The following NR3C1 variants were observed in gnomAD, a reference collection of about 807,000 sequenced individuals.
NR3C1 encodes the protein glucocorticoid receptor.
Under a neutral mutation model 74.0 loss-of-function variants are expected in NR3C1, and 14 were observed. The ratio of observed to expected loss-of-function variants is 0.19; its 90% CI spans 0.12 to 0.30. NR3C1 has a LOEUF of 0.30. NR3C1 is among the 10% of genes least tolerant of loss of function. NR3C1 has a pLI of 1.00. For missense variants in NR3C1, 695 were observed against 909.8 expected, an observed-to-expected ratio of 0.76 and a Z score of 3.04; for synonymous variants, 308 against 332.5, an observed-to-expected ratio of 0.93 and a Z score of 0.80.
chr5:143,354,148 T>C (rs1830694027), intron 2 of NR3C1, among the ~76,000 whole-genome samples: 1 of 152,254 alleles, frequency 6.6e-6, no homozygotes, highest in Non-Finnish European at 1.5e-5. Flanking sequence ...TTCATAGAAT[T>C]GAAGAGAGTT....
intron 2 of NR3C1, among the ~76,000 whole-genome samples, chr5:143,384,601 C>T (rs1355520748): frequency 5.9e-5 from 9 of 152,200 alleles, no homozygotes. Flanking sequence ...CAAAAACCTG[C>T]AGGACAGTCA....
chr5:143,310,149 G>A lies in NR3C1; in HGVS notation c.1416C>T (p.Asn472=). 6.2e-7 allele frequency: 1 copy of A among 1,614,074 alleles called. No individual in the cohort carries two copies. Among genetic ancestry groups the A allele is most frequent in the Non-Finnish European group, 8.5e-7 (1 of 1,179,968 alleles). The change falls in exon 4 of 9, where the codon AAC becomes AAT. Residue 472 remains asparagine, a synonymous_variant. Coordinates refer to ENST00000394464, the MANE Select transcript of NR3C1 (RefSeq NM_000176.3). ...ATTTTCGATAGCGGCATGCTGGGCA[G>A]TTTTTTCTTCGAATTTTATCGATGA... The part of the protein sequence containing the change: ...DCIIDKIRRK[N]CPACRYRKCL...
chr5:143,340,689 G>C (rs1053036891), intron 2 of NR3C1, among the ~76,000 whole-genome samples: 12 of 151,836 alleles, frequency 7.9e-5, no homozygotes, highest in Non-Finnish European at 1.2e-4. Flanking sequence ...CACCATGTTG[G>C]CCAGGCTGGT....
intron 2 of NR3C1, among the ~76,000 whole-genome samples, chr5:143,323,368 A>G (rs951658153): frequency 1.3e-5 from 2 of 152,200 alleles, no homozygotes; most frequent in Non-Finnish European, 2.9e-5. Context: ...AGGAAGAGGC[A>G]AAAGTTTTGG....
chr5:143,395,147 T>C (rs1838960950), intron 2 of NR3C1, among the ~76,000 whole-genome samples: 1 of 152,014 alleles, frequency 6.6e-6, no homozygotes, highest in African/African-American at 2.4e-5. Flanking sequence ...TAGTTTAGCA[T>C]AGAAATGATC....
At chr5:143,383,142 A>C (rs1836551902) in intron 2 of NR3C1, among the ~76,000 whole-genome samples, 1 of 152,246 alleles carries the variant, frequency 6.6e-6, no homozygotes, top group Non-Finnish European at 1.5e-5. Context: ...AACACCCATA[A>C]ACCATAAGCT....
At position 143,278,529 on chromosome 5, in the gene NR3C1, G is replaced by A. The variant is rs1353619186; in HGVS notation, c.*3360C>T. On this transcript the variant is annotated 3_prime_UTR_variant, in exon 9 of 9. Coordinates refer to ENST00000394464, the MANE Select transcript of NR3C1 (RefSeq NM_000176.3). Reference sequence around the variant, plus strand: ...GAAATTACGAAACTCCACCCAAAGGGTTTAAAGTGTCCTCCTTACACTTTT... The same window carrying A: ...GAAATTACGAAACTCCACCCAAAGGATTTAAAGTGTCCTCCTTACACTTTT... The A allele has an allele frequency of 6.6e-6, 1 of 152,106 alleles. No individual in the cohort carries two copies. Among genetic ancestry groups the A allele is most frequent in the African/African-American group, 2.4e-5 (1 of 41,414 alleles). 9.4% of individuals were successfully genotyped at this position (152,106 alleles called of 1,614,324 possible).
intron 6 of NR3C1, among the ~76,000 whole-genome samples, chr5:143,298,331 G>A (rs1243995715): frequency 6.6e-6 from 1 of 152,178 alleles, no homozygotes; most frequent in Non-Finnish European, 1.5e-5. Flanking sequence ...ATCCACATGA[G>A]TTTTACCATG....
chr5:143,432,424 G>A (rs1192686722), intron 1 of NR3C1, among the ~76,000 whole-genome samples: 1 of 152,146 alleles, frequency 6.6e-6, no homozygotes, highest in South Asian at 2.1e-4. Flanking sequence ...GTCCTGAGGG[G>A]CATCTTTGTG....
chr5:143,304,548 G>A (rs1241613093), intron 4 of NR3C1, among the ~76,000 whole-genome samples: 2 of 151,972 alleles, frequency 1.3e-5, no homozygotes, highest in Non-Finnish European at 2.9e-5. Context: ...CACAGAATTA[G>A]CAAAAAGCAT....
rs115403616 is a variant in NR3C1 at position 143,359,606 on chromosome 5, C to T, written c.1184+40050G>A. 4.2e-3 allele frequency among the ~76,000 whole-genome samples: 642 copies of T among 152,220 alleles called. 2 individuals carry two copies. The highest frequency in any genetic ancestry group is 0.015 in the African/African-American group (614 of 41,532). On this transcript the variant is annotated intron_variant, in intron 2 of 8. Transcript: ENST00000394464. ...GTACTAAAATACACAATTCTGTCTT[C>T]GATTTGGATTTTTAAAAATCAAGTT... is the stretch of plus-strand genomic sequence containing the variant.
At chr5:143,377,962 A>C (rs1221220674) in intron 2 of NR3C1, among the ~76,000 whole-genome samples, 1 of 152,122 alleles carries the variant, frequency 6.6e-6, no homozygotes, top group Non-Finnish European at 1.5e-5. Context: ...AAAGGATGAA[A>C]TTGGGGGCCA....
Position 143,389,929 on chromosome 5 carries a change from T to C in NR3C1, c.1184+9727A>G, listed in dbSNP as rs1371456412. ...CCCATTTCTTAGCTCTGAAAACTTA[T>C]AAATCATCTTTTGGGGAGAAAGAAC... is the stretch of plus-strand genomic sequence containing the variant. On this transcript the variant is annotated intron_variant, in intron 2 of 8. Transcript: ENST00000394464. The C allele has an allele frequency of 4.1e-6, 4 of 980,132 alleles. No homozygotes were observed. The South Asian group carries it at 1.4e-4, about 35-fold the overall frequency. The allele number at this position is 980,132 out of a possible 1,614,324, so 60.7% of individuals were successfully genotyped here. A position where few individuals can be genotyped will look rare whatever the true frequency, so the allele number is the denominator to read the frequency against.
chr5:143,368,261 T>G (rs1456398791), intron 2 of NR3C1, among the ~76,000 whole-genome samples: 1 of 152,160 alleles, frequency 6.6e-6, no homozygotes, highest in East Asian at 1.9e-4. Flanking sequence ...AAGGCCTAAA[T>G]GTAAGAGCTA....
intron 2 of NR3C1, among the ~76,000 whole-genome samples, chr5:143,324,701 C>T (rs1232238689): frequency 6.6e-6 from 1 of 152,214 alleles, no homozygotes; most frequent in Non-Finnish European, 1.5e-5. Flanking sequence ...TGTCAGGCTG[C>T]AAATTTTCTG....
In NR3C1 at chr5:143,399,981, A is replaced by G; in HGVS notation, c.859T>C (p.Cys287Arg). Residue 287 changes from cysteine to arginine, a missense_variant, in exon 2 of 9, where the codon TGC becomes CGC. Transcript: ENST00000394464. ...TCTTGCTTAATTACCCCAGGGGTGCAGAGTTCGATGAAATCTTCTTTTTCT... is the reference window on the plus strand; with the variant it reads ...TCTTGCTTAATTACCCCAGGGGTGCGGAGTTCGATGAAATCTTCTTTTTCT... ...KTEKEDFIEL[C>R]TPGVIKQEKL... The G allele has an allele frequency of 1.2e-6, 2 of 1,614,184 alleles. No homozygotes were observed. Among genetic ancestry groups the G allele is most frequent in the Non-Finnish European group, 1.7e-6 (2 of 1,180,038 alleles).
intron 2 of NR3C1, among the ~76,000 whole-genome samples, chr5:143,361,525 C>T (rs1832232881): frequency 6.6e-6 from 1 of 152,224 alleles, no homozygotes; most frequent in African/African-American, 2.4e-5. Context: ...GATTTCTCTA[C>T]TTGCACCCAA....
At chr5:143,310,783 G>A (rs1039075100) in intron 3 of NR3C1, among the ~76,000 whole-genome samples, 2 of 152,004 alleles carry the variant, frequency 1.3e-5, no homozygotes, top group Non-Finnish European at 2.9e-5. Flanking sequence ...TCAGACTCCC[G>A]AGTAGCTGGG....
chr5:143,425,404 A>C (rs1306823185), intron 1 of NR3C1, among the ~76,000 whole-genome samples: 1 of 152,234 alleles, frequency 6.6e-6, no homozygotes, highest in African/African-American at 2.4e-5. Context: ...CGTTGTGAAG[A>C]AAATAAAAAG....
Sources: gnomAD v4.1 joint callset for allele counts (sites outside exome capture counted in the v4.1 genomes callset) on GRCh38, gnomAD v4.1.1 for gene constraint, MANE v1.5 for transcripts, NCBI Gene and HGNC (gene_info 2026-07-23, HGNC 2026-07-21) for gene names.